The following FAF1 variants were observed in gnomAD, a reference collection of about 807,000 sequenced individuals.
FAF1 encodes FAS-associated factor 1.
A neutral mutation model predicts 92.5 loss-of-function variants in FAF1; 25 were observed. That is an observed-to-expected ratio of 0.27 (90% confidence interval 0.20 to 0.38). The LOEUF (loss-of-function observed/expected upper bound fraction) is 0.38. Among genes scored for constraint, FAF1 ranks in the 10% least tolerant of loss-of-function variants. The pLI is 1.00. For missense variants in FAF1, 636 were observed against 793.3 expected (o/e 0.80, Z 2.38); for synonymous variants, 234 against 273.2 (o/e 0.86, Z 1.42).
At chr1:50,651,116 T>C (rs907059549) in intron 8 of FAF1, among the ~76,000 whole-genome samples, 5 of 152,226 alleles carry the variant, frequency 3.3e-5, no homozygotes, top group African/African-American at 1.2e-4. Flanking sequence ...CTCAAGATTA[T>C]AAAAGAATTG....
chr1:50,745,670 G>T (rs1308475939), intron 4 of FAF1, among the ~76,000 whole-genome samples: 1 of 152,146 alleles, frequency 6.6e-6, no homozygotes, highest in Non-Finnish European at 1.5e-5. Flanking sequence ...GGCCTCCTTA[G>T]AAGCAGATGC....
chr1:50,928,854 TG>T (rs1645026872), intron 1 of FAF1, among the ~76,000 whole-genome samples: 1 of 149,282 alleles, frequency 6.7e-6, no homozygotes, highest in Non-Finnish European at 1.5e-5. Context: ...CCCAGCACTT[TG>T]GGAGGCTAAG....
intron 18 of FAF1, among the ~76,000 whole-genome samples, chr1:50,472,772 A>T (rs962376990): frequency 6.6e-6 from 1 of 152,222 alleles, no homozygotes; most frequent in Non-Finnish European, 1.5e-5. Flanking sequence ...GCTTTTTAAC[A>T]GTCTTTAGTT....
chr1:50,940,902 A>G (rs1645127436), intron 1 of FAF1, among the ~76,000 whole-genome samples: 1 of 152,206 alleles, frequency 6.6e-6, no homozygotes, highest in Admixed American at 6.5e-5. Context: ...CAATCCAGGG[A>G]CACCAGCAAA....
At chr1:50,873,134 T>C (rs1180972868) in intron 1 of FAF1, among the ~76,000 whole-genome samples, 1 of 150,972 alleles carries the variant, frequency 6.6e-6, no homozygotes, top group Admixed American at 6.6e-5. Context: ...ATAATTAGCA[T>C]TTTTTTTAAC....
Position 50,490,634 on chromosome 1 carries a change from T to A in FAF1, c.1607A>T (p.Gln536Leu). Residue 536 changes from glutamine to leucine, a missense_variant, in exon 17 of 19, where the codon CAG becomes CTG. Physicochemically the swap from Gln to Leu is moderately radical, Grantham distance 113. This residue lies in a region of FAF1 where 319 missense variants were observed against 451.0 expected (regional missense o/e 0.71). Coordinates refer to ENST00000396153, the MANE Select transcript of FAF1 (RefSeq NM_007051.3). Reference protein sequence around the residue: ...REAHEREMAEQFRLEQIRKEQ... With the variant: ...REAHEREMAELFRLEQIRKEQ... Reference sequence around the variant, plus strand: ...TTTGCGAATCTGCTCCAAACGAAACTGTTCTGCCATCTCTCTCTCGTGAGC... The same window carrying A: ...TTTGCGAATCTGCTCCAAACGAAACAGTTCTGCCATCTCTCTCTCGTGAGC... 5.0e-6 allele frequency: 8 copies of A among 1,613,210 alleles called. No homozygotes were observed. Among genetic ancestry groups the A allele is most frequent in the Non-Finnish European group, 6.8e-6 (8 of 1,179,156 alleles).
chr1:50,501,128 C>T (rs944982932), intron 15 of FAF1, among the ~76,000 whole-genome samples: 6 of 152,108 alleles, frequency 3.9e-5, no homozygotes, highest in African/African-American at 1.4e-4. Flanking sequence ...AGAGAAAAAT[C>T]TTTGCAAATC....
At chr1:50,930,352 AGGAAGGTATATT>A (rs1473322630) in intron 1 of FAF1, among the ~76,000 whole-genome samples, 6 of 152,202 alleles carry the variant, frequency 3.9e-5, no homozygotes, top group Admixed American at 3.9e-4. Flanking sequence ...AGTACTATTC[AGGAAGGTATATT>A]GGCAGGAAAC....
intron 1 of FAF1, among the ~76,000 whole-genome samples, chr1:50,882,650 G>GTA (rs1553149048): frequency 1.1e-3 from 156 of 143,868 alleles, no homozygotes; most frequent in African/African-American, 3.7e-3. Flanking sequence ...ATAAATAAAT[G>GTA]TGTATGTATG....
At chr1:50,952,627 G>T (rs576487041) in intron 1 of FAF1, among the ~76,000 whole-genome samples, 1 of 150,002 alleles carries the variant, frequency 6.7e-6, no homozygotes, top group African/African-American at 2.5e-5. Context: ...AGTGAGGAGC[G>T]CCTCTTCCCG....
chr1:50,646,608 C>T (rs186945865), intron 8 of FAF1, among the ~76,000 whole-genome samples: 1 of 152,282 alleles, frequency 6.6e-6, no homozygotes, highest in East Asian at 1.9e-4. Flanking sequence ...AATCAAATGT[C>T]CCTTTCACTG....
intron 4 of FAF1, among the ~76,000 whole-genome samples, chr1:50,781,522 C>A (rs1352774355): frequency 6.6e-6 from 1 of 151,972 alleles, no homozygotes; most frequent in East Asian, 1.9e-4. Flanking sequence ...ACTGACAAAA[C>A]TGAAGGGAAA....
At chr1:50,832,747 G>A (rs1351541247) in intron 2 of FAF1, among the ~76,000 whole-genome samples, 1 of 152,112 alleles carries the variant, frequency 6.6e-6, no homozygotes, top group African/African-American at 2.4e-5. Flanking sequence ...CTTTCTGTGT[G>A]TTTTAGGGAG....
At chr1:50,808,818 T>G (rs1196159781) in intron 2 of FAF1, among the ~76,000 whole-genome samples, 1 of 152,190 alleles carries the variant, frequency 6.6e-6, no homozygotes. Flanking sequence ...TAACTTCCAT[T>G]AAATTGTATG....
intron 6 of FAF1, among the ~76,000 whole-genome samples, chr1:50,728,820 A>G (rs1204571489): frequency 1.3e-5 from 2 of 150,116 alleles, no homozygotes; most frequent in Non-Finnish European, 3.0e-5. Context: ...GAAAAAGAAA[A>G]CTAGTGGAGA....
chr1:50,687,352 AATC>A (rs1256766949), intron 7 of FAF1, among the ~76,000 whole-genome samples: 3 of 147,376 alleles, frequency 2.0e-5, no homozygotes, highest in Non-Finnish European at 4.5e-5. Flanking sequence ...ACGTTTTATC[AATC>A]AAAAAAAAAA....
intron 18 of FAF1, among the ~76,000 whole-genome samples, chr1:50,447,833 AC>A (rs1162788430): frequency 1.3e-5 from 2 of 151,960 alleles, no homozygotes; most frequent in East Asian, 1.9e-4. Context: ...ACTTCAGAAA[AC>A]CCTCTCCTCT....
At chr1:50,458,178 A>C (rs973681957) in intron 18 of FAF1, among the ~76,000 whole-genome samples, 10 of 152,286 alleles carry the variant, frequency 6.6e-5, no homozygotes, top group African/African-American at 2.4e-4. Context: ...GAGCCATTGC[A>C]CTCCAGCCTG....
chr1:50,943,245 A>G (rs1645148053), intron 1 of FAF1, among the ~76,000 whole-genome samples: 1 of 152,270 alleles, frequency 6.6e-6, no homozygotes, highest in South Asian at 2.1e-4. Context: ...TACTATCAAC[A>G]AGACTCCAAG....
Sources: allele counts gnomAD v4.1 joint callset (sites outside exome capture counted in the v4.1 genomes callset), GRCh38; gene constraint gnomAD v4.1.1; regional missense constraint gnomAD v4.1.1; transcripts MANE v1.5; gene names NCBI Gene and HGNC (gene_info 2026-07-23, HGNC 2026-07-21).